EMID1: variants seen among roughly 807,000 people sequenced by gnomAD.
EMID1 encodes EMI domain-containing protein 1.
Under a neutral mutation model 60.6 loss-of-function variants are expected in EMID1, and 40 were observed. The ratio of observed to expected loss-of-function variants is 0.66; its 90% CI spans 0.51 to 0.86. The LOEUF is 0.86. Ranked by LOEUF, EMID1 falls within the 40% of genes least tolerant of loss-of-function variation. EMID1 has a pLI of 0.00. For missense variants in EMID1, 585 were observed against 597.1 expected (o/e 0.98, Z 0.21); for synonymous variants, 242 against 231.0 (o/e 1.05, Z -0.43).
chr22:29,240,609 T>C (rs2041118553), intron 12 of EMID1, among the ~76,000 whole-genome samples: 1 of 152,206 alleles, frequency 6.6e-6, no homozygotes, highest in South Asian at 2.1e-4. Context: ...TCCTTGCTTC[T>C]AGCACTCCCA....
chr22:29,254,346 A>T, intron 14 of EMID1, 59 bp downstream of exon 14: 1 of 1,530,110 alleles, frequency 6.5e-7, no homozygotes, highest in South Asian at 1.1e-5. Context: ...GCCTTCCCCA[A>T]GCCCTCCTGG....
chr22:29,206,088 C>G lies in EMID1; in HGVS notation c.50C>G (p.Pro17Arg). The G allele has an allele frequency of 1.6e-6, 2 of 1,230,698 alleles. No individual in the cohort carries two copies. The highest frequency in any genetic ancestry group is 8.2e-5 in the South Asian group (2 of 24,308). The allele number at this position is 1,230,698 out of a possible 1,614,324, so 76.2% of individuals were successfully genotyped here. Residue 17 changes from proline to arginine, a missense_variant, in exon 1 of 15, where the codon CCG becomes CGG. Transcript: ENST00000334018. ...CTGCTCTGCCTCGGGCTCCTGCTCC[C>G]GGGAGGCGGCGCTGCGTGGAGCATC... The part of the protein sequence containing the change: ...WALLCLGLLL[P>R]GGGAAWSIGA...
At position 29,247,081 on chromosome 22, in the gene EMID1, C is replaced by G. The variant is rs146066753; in HGVS notation, c.1119+3592C>G. The stretch of plus-strand genomic sequence containing the variant: ...GCAACCTCTGCCTCCTGGGTTCAAG[C>G]AATTCTCGTGCCTCAGCCACCTAAG... On this transcript the variant is annotated intron_variant, in intron 13 of 14. Coordinates refer to ENST00000334018, the MANE Select transcript of EMID1 (RefSeq NM_133455.4). 2.9e-3 allele frequency among the ~76,000 whole-genome samples: 434 copies of G among 152,186 alleles called. 2 individuals carry two copies. Among genetic ancestry groups the G allele is most frequent in the African/African-American group, 9.5e-3 (396 of 41,514 alleles).
chr22:29,256,724 G>A (rs1262624835), intron 14 of EMID1, among the ~76,000 whole-genome samples: 2 of 152,120 alleles, frequency 1.3e-5, no homozygotes, highest in Non-Finnish European at 1.5e-5. Context: ...CTTGTCCCTA[G>A]GGGTTGGAGA....
At chr22:29,215,763 T>G in intron 3 of EMID1, 133 bp downstream of exon 3, 1 of 710,336 alleles carries the variant, frequency 1.4e-6, no homozygotes, top group Non-Finnish European at 2.4e-6. Flanking sequence ...GCACAGAGCC[T>G]GGCTCAGACA....
chr22:29,239,424 C>A lies in EMID1; in HGVS notation c.1075-4021C>A, dbSNP rs1267200070. On this transcript the variant is annotated intron_variant, in intron 12 of 14. Coordinates refer to ENST00000334018, the MANE Select transcript of EMID1 (RefSeq NM_133455.4). ...GGGATTACAGGCATGAGCCACCACG[C>A]CCAGGCCTTTCTTAGAATTTCCATC... Among the ~76,000 whole-genome samples the A allele has an allele frequency of 2.6e-5, 4 of 152,074 alleles. No homozygotes were observed. In the East Asian group the frequency reaches 7.7e-4, roughly 29 times the overall value.
At chr22:29,255,328 C>T (rs748027440) in intron 14 of EMID1, 67 of 1,523,460 alleles carry the variant, frequency 4.4e-5, no homozygotes, top group Middle Eastern at 1.7e-4. Context: ...CCTGGCCAGA[C>T]GGGTCACCCT....
rs567074760 is a variant in EMID1 at position 29,220,759 on chromosome 22, C to T, written c.320-4374C>T. 2.0e-4 allele frequency among the ~76,000 whole-genome samples: 31 copies of T among 152,284 alleles called. No homozygotes were observed. The South Asian group carries it at 6.0e-3, about 30-fold the overall frequency. On this transcript the variant is annotated intron_variant, in intron 3 of 14. Coordinates refer to ENST00000334018, the MANE Select transcript of EMID1 (RefSeq NM_133455.4). ...CACTGCAAGGACAGAGCGGAAGCCT[C>T]TCCTCTCTGGACCTCAGTGTTCTGT...
intron 8 of EMID1, chr22:29,232,746 A>C: frequency 4.2e-6 from 1 of 239,642 alleles, no homozygotes; most frequent in Non-Finnish European, 8.0e-6. Flanking sequence ...TGGGACGCAA[A>C]AGACCCGGCG....
At chr22:29,211,939 A>G (rs922741208) in intron 1 of EMID1, among the ~76,000 whole-genome samples, 1 of 126,834 alleles carries the variant, frequency 7.9e-6, no homozygotes, top group Non-Finnish European at 1.7e-5. Context: ...AAAGGGGCTT[A>G]TGCCCCCACT....
chr22:29,244,259 C>T (rs957149893), intron 13 of EMID1, among the ~76,000 whole-genome samples: 1 of 152,012 alleles, frequency 6.6e-6, no homozygotes, highest in Non-Finnish European at 1.5e-5. Flanking sequence ...AGAAACCACA[C>T]ACCGCAAAAT....
intron 14 of EMID1, among the ~76,000 whole-genome samples, chr22:29,257,628 C>T (rs1412092518): frequency 2.0e-5 from 3 of 152,208 alleles, no homozygotes; most frequent in African/African-American, 7.2e-5. Context: ...AGGGGCCAGA[C>T]CTGCAGGAGA....
intron 3 of EMID1, among the ~76,000 whole-genome samples, chr22:29,221,526 C>T (rs966043821): frequency 6.6e-6 from 1 of 152,184 alleles, no homozygotes; most frequent in Non-Finnish European, 1.5e-5. Flanking sequence ...AGGCGTCTGC[C>T]ACCACACCTG....
Position 29,214,984 on chromosome 22 carries a change from T to C in EMID1, c.160T>C (p.Tyr54His). 1 of 1,553,976 alleles carries C rather than the reference T, an allele frequency of 6.4e-7. No homozygotes were observed. Among genetic ancestry groups the C allele is most frequent in the Non-Finnish European group, 8.7e-7 (1 of 1,147,496 alleles). ...TISCHVQNGT[Y>H]LQRVLQNCPW... Reference sequence around the variant, plus strand: ...CTCATGCCATGTGCAGAATGGCACCTACCTTCAGCGAGTGCTGCAGAACTG... The same window carrying C: ...CTCATGCCATGTGCAGAATGGCACCCACCTTCAGCGAGTGCTGCAGAACTG... Residue 54 changes from tyrosine to histidine, a missense_variant, in exon 2 of 15, where the codon TAC becomes CAC. Physicochemically the swap from Tyr to His is moderately conservative, Grantham distance 83. Transcript: ENST00000334018.
intron 3 of EMID1, chr22:29,216,205 TG>T (rs1347281058): frequency 1.5e-6 from 1 of 653,170 alleles, no homozygotes; most frequent in African/African-American, 2.0e-5. Context: ...CTGGCTTCAC[TG>T]TGTGTACCTC....
intron 3 of EMID1, among the ~76,000 whole-genome samples, chr22:29,222,907 C>T (rs1486300901): frequency 3.9e-5 from 6 of 152,000 alleles, no homozygotes; most frequent in East Asian, 1.9e-4. Flanking sequence ...CTGGCTAATA[C>T]GGTGAAACCC....
chr22:29,214,633 C>T (rs549198421), intron 1 of EMID1, among the ~76,000 whole-genome samples: 3 of 152,224 alleles, frequency 2.0e-5, no homozygotes, highest in East Asian at 1.9e-4. Flanking sequence ...AGTTGGGGAG[C>T]GAGAGCTCAG....
intron 6 of EMID1, 101 bp downstream of exon 6, chr22:29,231,241 C>T: frequency 2.1e-6 from 3 of 1,459,322 alleles, no homozygotes; most frequent in Non-Finnish European, 1.8e-6. Context: ...CCCAACTTAA[C>T]CCTCTAGTGG....
At chr22:29,209,488 T>C (rs554945663) in intron 1 of EMID1, among the ~76,000 whole-genome samples, 3 of 151,902 alleles carry the variant, frequency 2.0e-5, no homozygotes, top group African/African-American at 7.2e-5. Context: ...TGGGGATGGG[T>C]CCCTTCATCT....
Sources: gnomAD v4.1 joint callset for allele counts (sites outside exome capture counted in the v4.1 genomes callset) on GRCh38, gnomAD v4.1.1 for gene constraint, MANE v1.5 for transcripts, NCBI Gene and HGNC (gene_info 2026-07-23, HGNC 2026-07-21) for gene names.